The following DENND3 variants were observed in gnomAD, a reference collection of about 807,000 sequenced individuals.
DENND3 encodes the protein DENN domain containing 3.
DENND3 carries 88 observed loss-of-function variants against 135.1 expected under a neutral mutation model. The observed-to-expected ratio is 0.65, with a 90% CI of 0.55 to 0.78. The LOEUF (loss-of-function observed/expected upper bound fraction) is 0.78. DENND3 is among the 30% of genes least tolerant of loss of function. DENND3 has a pLI of 0.00. For synonymous variants in DENND3, 693 were observed against 712.3 expected, an observed-to-expected ratio of 0.97 and a Z score of 0.43; for missense variants, 1,392 against 1,688.4, an observed-to-expected ratio of 0.82 and a Z score of 3.08.
rs1218093385 is a variant in DENND3 at position 141,166,067 on chromosome 8, T to A, written c.1554-123T>A. On this transcript the variant is annotated intron_variant, in intron 11 of 22. Coordinates refer to ENST00000519811, the MANE Select transcript of DENND3 (RefSeq NM_001352890.3). This position sits in a 1 kb window ranked among gnomAD's most constrained non-coding sequence, Gnocchi z 4.3. ...TGGGCAACATGTTCTTACCAGTCTG[T>A]TTTCCACTGGTGTCCAAGAGTGTCA... 1 of 989,472 alleles carries A rather than the reference T, an allele frequency of 1.0e-6. No individual in the cohort carries two copies. Among genetic ancestry groups the A allele is most frequent in the African/African-American group, 1.6e-5 (1 of 62,086 alleles). 61.3% of individuals were successfully genotyped at this position (989,472 alleles called of 1,614,324 possible). A position where few individuals can be genotyped will look rare whatever the true frequency, so the allele number is the denominator to read the frequency against.
At chr8:141,185,003 G>A (rs1426227469) in intron 17 of DENND3, 136 bp from the exon 18 acceptor site, 10 of 1,159,004 alleles carry the variant, frequency 8.6e-6, no homozygotes, top group East Asian at 2.4e-5. Flanking sequence ...GCCTGGGCAC[G>A]TCTTTGTACG....
At chr8:141,180,603 G>C (rs1263235157) in intron 16 of DENND3, 144 bp from the exon 17 acceptor site, 1 of 732,734 alleles carries the variant, frequency 1.4e-6, no homozygotes, top group African/African-American at 1.8e-5. Flanking sequence ...CAGTGCCCCG[G>C]GTCCAAGAGA....
intron 17 of DENND3, among the ~76,000 whole-genome samples, chr8:141,183,673 A>G (rs1444938729): frequency 6.6e-6 from 1 of 151,678 alleles, no homozygotes; most frequent in African/African-American, 2.4e-5. Flanking sequence ...TGGCAGGCTC[A>G]GGTGGGAATG....
intron 15 of DENND3, chr8:141,177,807 T>C (rs1461210244): frequency 5.7e-6 from 2 of 352,978 alleles, no homozygotes; most frequent in Non-Finnish European, 1.0e-5. Context: ...CAGCTGAGAC[T>C]GGCCACAAAG....
At chr8:141,173,204 C>T (rs1268165558) in intron 13 of DENND3, among the ~76,000 whole-genome samples, 1 of 152,272 alleles carries the variant, frequency 6.6e-6, no homozygotes, top group African/African-American at 2.4e-5. Flanking sequence ...CCTGACAGGC[C>T]CCGCCCACTG....
At chr8:141,191,112 T>TCTAAA (rs1281354151) in intron 20 of DENND3, among the ~76,000 whole-genome samples, 1 of 152,258 alleles carries the variant, frequency 6.6e-6, no homozygotes, top group African/African-American at 2.4e-5. Context: ...TTGACAAACA[T>TCTAAA]CTAAACTACA....
Position 141,186,939 on chromosome 8 carries a change from C to A in DENND3, c.3084+1661C>A, listed in dbSNP as rs1050555343. On this transcript the variant is annotated intron_variant, in intron 18 of 22. Transcript: ENST00000519811. ...TCGCCCGAGAGGCCGCTGAGTAGCT[C>A]CCCGTGCTCTGAGACCCCACACTCC... Among the ~76,000 whole-genome samples, 3 of 152,258 alleles carry A rather than the reference C, an allele frequency of 2.0e-5. No homozygotes were observed. In the South Asian group the frequency reaches 6.2e-4, roughly 32 times the overall value.
In DENND3 at chr8:141,128,612, C is replaced by T. The variant is rs976623975; in HGVS notation, c.-96C>T. On this transcript the variant is annotated 5_prime_UTR_variant, in exon 1 of 23. Coordinates refer to ENST00000519811, the MANE Select transcript of DENND3 (RefSeq NM_001352890.3). The surrounding 1 kb of genome is among the most constrained non-coding windows in gnomAD (Gnocchi z 4.5). Reference sequence around the variant, plus strand: ...CCGCAGACGGCGCTCGCAGCGCCCCCGGCCCCCAGGCGGCGCGGCTGGTCC... The same window carrying T: ...CCGCAGACGGCGCTCGCAGCGCCCCTGGCCCCCAGGCGGCGCGGCTGGTCC... 3.8e-5 allele frequency: 27 copies of T among 705,388 alleles called. No individual in the cohort carries two copies. Among genetic ancestry groups the T allele is most frequent in the Admixed American group, 5.0e-5 (1 of 19,872 alleles). 43.7% of individuals were successfully genotyped at this position (705,388 alleles called of 1,614,324 possible).
chr8:141,146,432 T>C lies in DENND3; in HGVS notation c.735+2173T>C, dbSNP rs906439209. On this transcript the variant is annotated intron_variant, in intron 5 of 22. Transcript: ENST00000519811. This position sits in a 1 kb window ranked among gnomAD's most constrained non-coding sequence, Gnocchi z 4.3. ...GTGAAGAAACCTGTTTGACTCAGCA[T>C]GTTCCAAACTAATTTTAACTGTACT... is the stretch of plus-strand genomic sequence containing the variant. Among the ~76,000 whole-genome samples, 2 of 152,256 alleles carry C rather than the reference T, an allele frequency of 1.3e-5. No individual in the cohort carries two copies. Among genetic ancestry groups the C allele is most frequent in the African/African-American group, 4.8e-5 (2 of 41,474 alleles).
Position 141,128,679 on chromosome 8 carries a change from G to A in DENND3, c.-29G>A, listed in dbSNP as rs528705313. ...GACTGCGCGGCTGAGGCGCCCGAGT[G>A]CGGTACTGGCGGCGGGCGGCGGGCA... is the stretch of plus-strand genomic sequence containing the variant. On this transcript the variant is annotated 5_prime_UTR_variant, in exon 1 of 23. Transcript: ENST00000519811. The surrounding 1 kb of genome is among the most constrained non-coding windows in gnomAD (Gnocchi z 4.5). 5.9e-4 allele frequency: 790 copies of A among 1,340,798 alleles called. 6 individuals carry two copies. Among genetic ancestry groups the A allele is most frequent in the African/African-American group, 2.6e-3 (168 of 64,892 alleles). 83.1% of individuals were successfully genotyped at this position (1,340,798 alleles called of 1,614,324 possible). A position where few individuals can be genotyped will look rare whatever the true frequency, so the allele number is the denominator to read the frequency against.
In DENND3 at chr8:141,146,179, T is replaced by C. The variant is rs1818110857; in HGVS notation, c.735+1920T>C. Among the ~76,000 whole-genome samples the C allele has an allele frequency of 6.6e-6, 1 of 152,192 alleles. No individual in the cohort carries two copies. Among genetic ancestry groups the C allele is most frequent in the Non-Finnish European group, 1.5e-5 (1 of 68,032 alleles). On this transcript the variant is annotated intron_variant, in intron 5 of 22. Transcript: ENST00000519811. This position sits in a 1 kb window ranked among gnomAD's most constrained non-coding sequence, Gnocchi z 4.3. ...GTATTTCATTTGTTAGTGTTTTCTC[T>C]TGTACAGTGTGATTAATGAGAAGTA...
intron 4 of DENND3, among the ~76,000 whole-genome samples, chr8:141,143,612 C>T (rs1233188519): frequency 1.3e-5 from 2 of 152,112 alleles, no homozygotes; most frequent in Non-Finnish European, 2.9e-5. Flanking sequence ...CACTATCTTG[C>T]GCAGGCTGGC....
rs1184880184 is a variant in DENND3, at chr8:141,139,147, G to C, written c.501+1010G>C. Among the ~76,000 whole-genome samples the C allele has an allele frequency of 6.6e-6, 1 of 152,180 alleles. No homozygotes were observed. Among genetic ancestry groups the C allele is most frequent in the African/African-American group, 2.4e-5 (1 of 41,428 alleles). On this transcript the variant is annotated intron_variant, in intron 3 of 22. Transcript: ENST00000519811. The surrounding 1 kb of genome is among the most constrained non-coding windows in gnomAD (Gnocchi z 4.2). The stretch of plus-strand genomic sequence containing the variant: ...CCGGAGCCTTAATTTAGGTGCCCTG[G>C]TGCCATGAAGGGAAGTCTGTGAGTT...
intron 11 of DENND3, 123 bp downstream of exon 11, chr8:141,165,412 T>C (rs1019230836): frequency 1.3e-5 from 9 of 706,590 alleles, no homozygotes; most frequent in Non-Finnish European, 1.9e-5. Context: ...TAGAAACTCA[T>C]GATGAACTGG....
At position 141,189,029 on chromosome 8, in the gene DENND3, C is replaced by T. The variant is rs144442267; in HGVS notation, c.3128C>T (p.Ser1043Leu). The change falls in exon 19 of 23, where the codon TCG becomes TTG. Residue 1043 changes from serine to leucine, a missense_variant. Transcript: ENST00000519811. ...MADQNQVWVGSEDSVIYIINV... is the reference protein window; with the variant it reads ...MADQNQVWVGLEDSVIYIINV... ...GACCAGAACCAGGTGTGGGTTGGCT[C>T]GGAAGACTCCGTCATCTACATCATC... 4,237 of 1,614,162 alleles carry T rather than the reference C, an allele frequency of 2.6e-3. 12 individuals are homozygous for T. Among genetic ancestry groups the T allele is most frequent in the Middle Eastern group, 3.5e-3 (21 of 6,062 alleles).
In DENND3 at chr8:141,165,201, A is replaced by G; in HGVS notation, c.1465A>G (p.Met489Val). Reference protein sequence around the residue: ...QFYKQVLDTYMFHSFLKARLN... With the variant: ...QFYKQVLDTYVFHSFLKARLN... ...TCTTTTCCAGGTCTTAGACACCTAC[A>G]TGTTCCATTCTTTTCTTAAAGCCCG... The change falls in exon 11 of 23, where the codon ATG (methionine) becomes GTG (valine). Residue 489 changes from methionine (M) to valine (V), a missense_variant. Coordinates refer to ENST00000519811, the MANE Select transcript of DENND3 (RefSeq NM_001352890.3). 1.2e-6 allele frequency: 2 copies of G among 1,614,016 alleles called. No homozygotes were observed. Among genetic ancestry groups the G allele is most frequent in the Non-Finnish European group, 1.7e-6 (2 of 1,179,922 alleles).
Position 141,194,177 on chromosome 8 carries a change from G to C in DENND3, c.3781G>C (p.Val1261Leu). Residue 1261 changes from valine to leucine, a missense_variant, in exon 23 of 23, where the codon GTG becomes CTG. By Grantham distance (32) the Val-to-Leu change is conservative. Transcript: ENST00000519811. ...GCTGTGCTCGGCTGAGGACAGATACGTGCTGAGTGGGTCGGGCAGGGAGGA... is the reference window on the plus strand; with the variant it reads ...GCTGTGCTCGGCTGAGGACAGATACCTGCTGAGTGGGTCGGGCAGGGAGGA... The part of the protein sequence containing the change: ...RTLCSAEDRY[V>L]LSGSGREEGK... 1 of 1,613,686 alleles carries C rather than the reference G, an allele frequency of 6.2e-7. No homozygotes were observed. Among genetic ancestry groups the C allele is most frequent in the South Asian group, 1.1e-5 (1 of 90,896 alleles).
At position 141,130,081 on chromosome 8, in the gene DENND3, G is replaced by A. The variant is rs750990927; in HGVS notation, c.102+1272G>A. 6 of 152,146 alleles carry A rather than the reference G, an allele frequency of 3.9e-5. No individual in the cohort carries two copies. The highest frequency in any genetic ancestry group is 8.8e-5 in the Non-Finnish European group (6 of 68,026). The allele number at this position is 152,146 out of a possible 1,614,324, so 9.4% of individuals were successfully genotyped here. On this transcript the variant is annotated intron_variant, in intron 1 of 22. Transcript: ENST00000519811. This position sits in a 1 kb window ranked among gnomAD's most constrained non-coding sequence, Gnocchi z 4.2. ...TCTTCGAATAGGAAGTGACCTAGTT[G>A]CCGCTGTGGTCTCCTCAGCCGTTGA... is the stretch of plus-strand genomic sequence containing the variant.
Position 141,192,680 on chromosome 8 carries a change from G to T in DENND3, c.3636+17G>T, listed in dbSNP as rs371493960. 1 of 1,605,176 alleles carries T rather than the reference G, an allele frequency of 6.2e-7. No individual in the cohort carries two copies. Among genetic ancestry groups the T allele is most frequent in the Admixed American group, 1.7e-5 (1 of 59,622 alleles). On this transcript the variant is annotated intron_variant, in intron 22 of 22. Transcript: ENST00000519811. ...AAGAAGCAGGTAGGGTGGAGGGCCC[G>T]CCATCCCCAGCATCCCCGGCAGGTC...
Sources: allele counts gnomAD v4.1 joint callset (sites outside exome capture counted in the v4.1 genomes callset), GRCh38; gene constraint gnomAD v4.1.1; non-coding constraint Gnocchi (gnomAD v3.1); transcripts MANE v1.5; gene names NCBI Gene and HGNC (gene_info 2026-07-23, HGNC 2026-07-21).